Variants in TNFRSF19 observed in about 807,000 individuals in gnomAD.
The protein encoded by TNFRSF19 is TNF receptor superfamily member 19, also known as tumor necrosis factor receptor superfamily member 19.
In TNFRSF19, 27 loss-of-function variants were observed where a neutral mutation model predicts 46.4. The observed-to-expected ratio is 0.58, with a 90% confidence interval of 0.43 to 0.80. The LOEUF is 0.80. TNFRSF19 is among the 30% of genes least tolerant of loss of function. The pLI, the probability that TNFRSF19 is intolerant of heterozygous loss-of-function variation, is 0.00. For synonymous variants in TNFRSF19, 204 were observed against 205.0 expected, an observed-to-expected ratio of 1.00 and a Z score of 0.04; for missense variants, 511 against 530.8, an observed-to-expected ratio of 0.96 and a Z score of 0.37.
chr13:23,641,758 T>C (rs1883045328), intron 5 of TNFRSF19, among the ~76,000 whole-genome samples: 1 of 152,244 alleles, frequency 6.6e-6, no homozygotes, highest in East Asian at 1.9e-4. Flanking sequence ...ATGAAGTCCT[T>C]TGAGATACTT....
chr13:23,579,218 C>G (rs1593225584), intron 1 of TNFRSF19: 1 of 152,432 alleles, frequency 6.6e-6, no homozygotes, highest in Non-Finnish European at 1.5e-5. Context: ...AGCTGCAGAG[C>G]AAGTCCGGCT....
intron 1 of TNFRSF19, among the ~76,000 whole-genome samples, chr13:23,575,188 T>A (rs369703815): frequency 2.1e-4 from 32 of 152,216 alleles, no homozygotes; most frequent in African/African-American, 7.7e-4. Context: ...GTCAATGGAC[T>A]GTCTCTTCCC....
chr13:23,597,725 G>A (rs927552539), intron 3 of TNFRSF19, among the ~76,000 whole-genome samples: 1 of 152,096 alleles, frequency 6.6e-6, no homozygotes, highest in African/African-American at 2.4e-5. Context: ...GAAAAAGAGG[G>A]ACTCCTCTCT....
intron 5 of TNFRSF19, among the ~76,000 whole-genome samples, chr13:23,654,279 C>T (rs560298098): frequency 1.4e-4 from 22 of 152,302 alleles, no homozygotes; most frequent in Non-Finnish European, 2.6e-4. Context: ...CAAGCCCAGG[C>T]GGAGTCCAGC....
At chr13:23,671,005 ACGT>A (rs1171206696) in intron 9 of TNFRSF19, among the ~76,000 whole-genome samples, 1 of 152,212 alleles carries the variant, frequency 6.6e-6, no homozygotes, top group African/African-American at 2.4e-5. Flanking sequence ...AAGGAATGAA[ACGT>A]CTTCATACGA....
chr13:23,616,082 A>G, intron 4 of TNFRSF19, 37 bp downstream of exon 4: 5 of 1,550,750 alleles, frequency 3.2e-6, no homozygotes, highest in Non-Finnish European at 4.4e-6. Flanking sequence ...TAATTATTTA[A>G]TTAAGTAACT....
intron 9 of TNFRSF19, among the ~76,000 whole-genome samples, chr13:23,672,723 T>C (rs1363750018): frequency 2.0e-5 from 3 of 152,228 alleles, no homozygotes; most frequent in Non-Finnish European, 2.9e-5. Flanking sequence ...ATGAAATTAA[T>C]GTTCAGTGGT....
In TNFRSF19 at chr13:23,673,612, C is replaced by T. The variant is rs995052159; in HGVS notation, c.*232C>T. ...AGACTCCAGGCCGACTCATGATACTCTGCATCTTTCCTACATGAGAAGCTT... is the reference window on the plus strand; with the variant it reads ...AGACTCCAGGCCGACTCATGATACTTTGCATCTTTCCTACATGAGAAGCTT... On this transcript the variant is annotated 3_prime_UTR_variant, in exon 10 of 10. Transcript: ENST00000248484. 11 of 1,189,044 alleles carry T rather than the reference C, an allele frequency of 9.3e-6. No individual in the cohort carries two copies. The African/African-American group carries it at 9.4e-5, about 10-fold the overall frequency. The allele number at this position is 1,189,044 out of a possible 1,614,324, so 73.7% of individuals were successfully genotyped here. A position where few individuals can be genotyped will look rare whatever the true frequency, so the allele number is the denominator to read the frequency against.
At chr13:23,663,096 G>GT (rs1490023705) in intron 7 of TNFRSF19, among the ~76,000 whole-genome samples, 2 of 152,188 alleles carry the variant, frequency 1.3e-5, no homozygotes, top group Non-Finnish European at 2.9e-5. Context: ...CCTTGTGCCA[G>GT]TTTTCAAGGG....
rs1474683969 is a variant in TNFRSF19 at position 23,593,334 on chromosome 13, T to G, written c.70-11T>G. ...CTTTAAGATAACATTTTGTTAAATT[T>G]TTTTTTTCAGTCATGTAAAGTGACT... is the stretch of plus-strand genomic sequence containing the variant. On this transcript the variant is annotated splice_polypyrimidine_tract_variant and intron_variant, in intron 2 of 9. Coordinates refer to ENST00000248484, the MANE Select transcript of TNFRSF19 (RefSeq NM_148957.4). 6.6e-7 allele frequency: 1 copy of G among 1,521,514 alleles called. No homozygotes were observed. The highest frequency in any genetic ancestry group is 8.8e-7 in the Non-Finnish European group (1 of 1,130,974). The allele number at this position is 1,521,514 out of a possible 1,614,324, so 94.3% of individuals were successfully genotyped here.
At chr13:23,586,309 G>A (rs930829300) in intron 1 of TNFRSF19, among the ~76,000 whole-genome samples, 1 of 151,474 alleles carries the variant, frequency 6.6e-6, no homozygotes, top group African/African-American at 2.4e-5. Context: ...CAACAAAAAG[G>A]CTAGAAAGAG....
At chr13:23,647,578 T>A (rs182885192) in intron 5 of TNFRSF19, among the ~76,000 whole-genome samples, 25 of 152,092 alleles carry the variant, frequency 1.6e-4, no homozygotes, top group African/African-American at 4.6e-4. Flanking sequence ...CATTTTTTTT[T>A]AATAGAGATG....
Position 23,667,745 on chromosome 13 carries a change from C to A in TNFRSF19, c.737-235C>A, listed in dbSNP as rs551144673. Among the ~76,000 whole-genome samples the A allele has an allele frequency of 2.0e-5, 3 of 152,078 alleles. No individual in the cohort carries two copies. In the South Asian group the frequency reaches 6.3e-4, roughly 32 times the overall value. ...CTCCTGGTCTCCCCATTGCTCCAGC[C>A]CCCTAGCATCCCCCCTTCTTCATCT... On this transcript the variant is annotated intron_variant, in intron 7 of 9. Transcript: ENST00000248484.
chr13:23,665,389 A>T (rs973533571), intron 7 of TNFRSF19, among the ~76,000 whole-genome samples: 3 of 152,256 alleles, frequency 2.0e-5, no homozygotes, highest in African/African-American at 7.2e-5. Context: ...CACTGGGGCC[A>T]GAAATGATCC....
chr13:23,611,838 G>A (rs539889844), intron 3 of TNFRSF19, among the ~76,000 whole-genome samples: 142 of 152,250 alleles, frequency 9.3e-4, no homozygotes, highest in African/African-American at 3.3e-3. Context: ...CAGGACTTGG[G>A]GTGCAGTGGT....
intron 5 of TNFRSF19, among the ~76,000 whole-genome samples, chr13:23,642,745 G>T (rs1883101560): frequency 6.6e-6 from 1 of 152,204 alleles, no homozygotes; most frequent in African/African-American, 2.4e-5. Context: ...TCCCTCAGAA[G>T]CAGAGTGCTT....
intron 1 of TNFRSF19, among the ~76,000 whole-genome samples, chr13:23,589,683 TC>T (rs1328163991): frequency 6.6e-6 from 1 of 152,228 alleles, no homozygotes; most frequent in Non-Finnish European, 1.5e-5. Flanking sequence ...GGATCTACCT[TC>T]TAGAGTAGTT....
intron 5 of TNFRSF19, among the ~76,000 whole-genome samples, chr13:23,638,107 C>A (rs373125431): frequency 9.7e-6 from 1 of 102,730 alleles, no homozygotes; most frequent in Admixed American, 1.0e-4. Context: ...TTCTGTTTCT[C>A]GGTGCAGAAG....
rs1951819374 is a variant in TNFRSF19 at position 23,675,669 on chromosome 13, A to G, written c.*2289A>G. 1 of 152,222 alleles carries G rather than the reference A, an allele frequency of 6.6e-6. No homozygotes were observed. Among genetic ancestry groups the G allele is most frequent in the Non-Finnish European group, 1.5e-5 (1 of 68,036 alleles). 9.4% of individuals were successfully genotyped at this position (152,222 alleles called of 1,614,324 possible). A position where few individuals can be genotyped will look rare whatever the true frequency, so the allele number is the denominator to read the frequency against. On this transcript the variant is annotated 3_prime_UTR_variant, in exon 10 of 10. Transcript: ENST00000248484. ...TTGTTGGAATATCCCATAGCACTCA[A>G]TAAACTCAGCTGCTAGAGTGCCGAT...
Sources: allele counts gnomAD v4.1 joint callset (sites outside exome capture counted in the v4.1 genomes callset), GRCh38; gene constraint gnomAD v4.1.1; transcripts MANE v1.5; gene names NCBI Gene and HGNC (gene_info 2026-07-23, HGNC 2026-07-21).